Variants in ATP1A2 observed in about 807,000 individuals in gnomAD.
The protein encoded by ATP1A2 is sodium/potassium-transporting ATPase subunit alpha-2.
A neutral mutation model predicts 113.1 loss-of-function variants in ATP1A2; 56 were observed. The ratio of observed to expected loss-of-function variants is 0.49; its 90% CI spans 0.40 to 0.62. The LOEUF (loss-of-function observed/expected upper bound fraction) is 0.62. Among genes scored for constraint, ATP1A2 ranks in the 20% least tolerant of loss-of-function variants. The pLI, the probability that ATP1A2 is intolerant of heterozygous loss-of-function variation, is 0.00. For synonymous variants in ATP1A2, 490 were observed against 526.8 expected (o/e 0.93, Z 0.96); for missense variants, 712 against 1,357.8 (o/e 0.52, Z 7.47).
intron 10 of ATP1A2, 77 bp from the exon 11 acceptor site, chr1:160,129,189 G>T: frequency 1.2e-6 from 2 of 1,611,258 alleles, no homozygotes; most frequent in Non-Finnish European, 1.7e-6. Flanking sequence ...TGCCTTGGGG[G>T]TTTCAGTGCC....
chr1:160,118,443 A>G (rs930643687), intron 1 of ATP1A2, among the ~76,000 whole-genome samples: 15 of 152,108 alleles, frequency 9.9e-5, no homozygotes, highest in African/African-American at 3.1e-4. Context: ...CTGTCCCACC[A>G]CAGACAGTTA....
chr1:160,127,763 C>A lies in ATP1A2; in HGVS notation c.960C>A (p.Ile320=), dbSNP rs777198055. Residue 320 remains isoleucine (I), a synonymous_variant, in exon 8 of 23, where the codon ATC becomes ATA. Coordinates refer to ENST00000361216, the MANE Select transcript of ATP1A2 (RefSeq NM_000702.4). The part of the protein sequence containing the change: ...ILGYSWLEAV[I]FLIGIIVANV... ...GCTACAGCTGGCTGGAGGCAGTCAT[C>A]TTCCTCATCGGCATCATAGTGGCCA... 4 of 1,614,046 alleles carry A rather than the reference C, an allele frequency of 2.5e-6. No homozygotes were observed. The highest frequency in any genetic ancestry group is 2.5e-6 in the Non-Finnish European group (3 of 1,179,928).
At chr1:160,133,422 T>G (rs1651828135) in intron 13 of ATP1A2, among the ~76,000 whole-genome samples, 1 of 152,112 alleles carries the variant, frequency 6.6e-6, no homozygotes, top group Non-Finnish European at 1.5e-5. Flanking sequence ...AGCCCACACA[T>G]GCAAATGCTA....
rs1007680596 is a variant in ATP1A2, at chr1:160,120,262, T to C, written c.13-644T>C. On this transcript the variant is annotated intron_variant, in intron 1 of 22. Coordinates refer to ENST00000361216, the MANE Select transcript of ATP1A2 (RefSeq NM_000702.4). ...GAGAGGGCTCCCAGCACACCCCATG[T>C]CTCCACTTCCTGGACATGCCCTGAC... Among the ~76,000 whole-genome samples, 6 of 152,146 alleles carry C rather than the reference T, an allele frequency of 3.9e-5. No individual in the cohort carries two copies. In the East Asian group the frequency reaches 7.7e-4, roughly 20 times the overall value.
At chr1:160,120,657 C>T (rs901644885) in intron 1 of ATP1A2, among the ~76,000 whole-genome samples, 4 of 152,220 alleles carry the variant, frequency 2.6e-5, no homozygotes, top group African/African-American at 7.2e-5. Flanking sequence ...CATTAAACCA[C>T]TCAAGTGGTG....
At chr1:160,118,412 C>A (rs1651258169) in intron 1 of ATP1A2, among the ~76,000 whole-genome samples, 1 of 152,108 alleles carries the variant, frequency 6.6e-6, no homozygotes. Context: ...CCCTTGATTG[C>A]ATTTCTTCCT....
chr1:160,123,490 T>TGGGCAGG (rs1651486555), intron 4 of ATP1A2, 74 bp downstream of exon 4: 1 of 1,592,180 alleles, frequency 6.3e-7, no homozygotes, highest in Non-Finnish European at 8.6e-7. Flanking sequence ...CAGTGGGGGG[T>TGGGCAGG]GGGCAGGGAA....
intron 1 of ATP1A2, among the ~76,000 whole-genome samples, chr1:160,117,775 G>A (rs1651235528): frequency 6.6e-6 from 1 of 152,196 alleles, no homozygotes; most frequent in African/African-American, 2.4e-5. Flanking sequence ...GGACGACACT[G>A]GTGGGAGGGA....
At chr1:160,133,963 C>T (rs1478521562) in intron 13 of ATP1A2, among the ~76,000 whole-genome samples, 2 of 151,960 alleles carry the variant, frequency 1.3e-5, no homozygotes, top group Non-Finnish European at 2.9e-5. Flanking sequence ...ACTCAACTTG[C>T]CATTATCTTT....
intron 11 of ATP1A2, 94 bp from the exon 12 acceptor site, chr1:160,130,008 A>T: frequency 6.7e-7 from 1 of 1,490,502 alleles, no homozygotes; most frequent in Non-Finnish European, 9.3e-7. Context: ...GGTTGGGGCT[A>T]CTTTTCTAAG....
In ATP1A2 at chr1:160,135,618, G is replaced by A. The variant is rs1250033628; in HGVS notation, c.2284+16G>A. ...GTGGAGGAGGGTGAGGAGGCTGCAT[G>A]GGTTGGGATGGTTTGCAGGATACTG... is the stretch of plus-strand genomic sequence containing the variant. On this transcript the variant is annotated intron_variant, in intron 16 of 22. Transcript: ENST00000361216. This position sits in a 1 kb window ranked among gnomAD's most constrained non-coding sequence, Gnocchi z 6.3. The A allele has an allele frequency of 6.2e-7, 1 of 1,613,250 alleles. No homozygotes were observed. Among genetic ancestry groups the A allele is most frequent in the Admixed American group, 1.7e-5 (1 of 60,022 alleles).
chr1:160,136,889 C>T lies in ATP1A2; in HGVS notation c.2710-12C>T, dbSNP rs2101996457. ...CGACACTCTCATCTGTCTCTGCCCA[C>T]CCTCCCTCCAGACCTATGAGCAGCG... On this transcript the variant is annotated splice_polypyrimidine_tract_variant and intron_variant, in intron 19 of 22. Coordinates refer to ENST00000361216, the MANE Select transcript of ATP1A2 (RefSeq NM_000702.4). The T allele has an allele frequency of 1.2e-6, 2 of 1,614,258 alleles. No individual in the cohort carries two copies. The highest frequency in any genetic ancestry group is 1.7e-6 in the Non-Finnish European group (2 of 1,180,050).
intron 5 of ATP1A2, 90 bp downstream of exon 5, chr1:160,124,146 G>A: frequency 6.4e-7 from 1 of 1,570,992 alleles, no homozygotes; most frequent in Non-Finnish European, 8.7e-7. Flanking sequence ...CTCTAAGATA[G>A]AGATGGACAG....
At chr1:160,115,935 A>T (rs1383837610) in intron 1 of ATP1A2, 62 bp downstream of exon 1, 1 of 1,577,518 alleles carries the variant, frequency 6.3e-7, no homozygotes, top group African/African-American at 1.3e-5. Context: ...CTGAGGAAGG[A>T]TGAAGTGGGA....
chr1:160,129,409 G>C lies in ATP1A2; in HGVS notation c.1461+9G>C, dbSNP rs1004576502. The stretch of plus-strand genomic sequence containing the variant: ...CTACCAACAAGTACCAGGTCTGCTT[G>C]GGTTGCCAGGACAGAGGAAGAGAGA... On this transcript the variant is annotated intron_variant, in intron 11 of 22. Transcript: ENST00000361216. 6.2e-7 allele frequency: 1 copy of C among 1,612,022 alleles called. No homozygotes were observed. Among genetic ancestry groups the C allele is most frequent in the Non-Finnish European group, 8.5e-7 (1 of 1,180,006 alleles).
chr1:160,123,173 C>T, intron 3 of ATP1A2, 40 bp from the exon 4 acceptor site: 2 of 1,610,698 alleles, frequency 1.2e-6, no homozygotes, highest in Non-Finnish European at 1.7e-6. Context: ...GCTGGGTTGG[C>T]TCCGGATGCG....
chr1:160,116,309 TC>T (rs1392196916), intron 1 of ATP1A2, among the ~76,000 whole-genome samples: 1 of 151,714 alleles, frequency 6.6e-6, no homozygotes, highest in Non-Finnish European at 1.5e-5. Flanking sequence ...AGGCTGGGGG[TC>T]CATTTTGAGG....
chr1:160,136,040 G>A, intron 17 of ATP1A2, 47 bp downstream of exon 17: 1 of 1,613,864 alleles, frequency 6.2e-7, no homozygotes, highest in Non-Finnish European at 8.5e-7. Context: ...AATCGTGATG[G>A]CACAGTGGCA....
rs567743697 is a variant in ATP1A2 at position 160,124,550 on chromosome 1, C to T, written c.630+120C>T. The T allele has an allele frequency of 2.9e-4, 428 of 1,456,758 alleles. 1 individual carries two copies. In the African/African-American group the frequency reaches 5.7e-3, roughly 19 times the overall value. The allele number at this position is 1,456,758 out of a possible 1,614,324, so 90.2% of individuals were successfully genotyped here. A position where few individuals can be genotyped will look rare whatever the true frequency, so the allele number is the denominator to read the frequency against. On this transcript the variant is annotated intron_variant, in intron 6 of 22. Transcript: ENST00000361216. ...CCAGGTCCAAATGTCAACACCATGC[C>T]TATGCCCCTGCTAAACCTTCTCTCA...
Sources: allele counts gnomAD v4.1 joint callset (sites outside exome capture counted in the v4.1 genomes callset), GRCh38; gene constraint gnomAD v4.1.1; non-coding constraint Gnocchi (gnomAD v3.1); transcripts MANE v1.5; gene names NCBI Gene and HGNC (gene_info 2026-07-23, HGNC 2026-07-21).